ZMYND8: variants seen among roughly 807,000 people sequenced by gnomAD.
ZMYND8 encodes MYND-type zinc finger-containing chromatin reader ZMYND8.
A neutral mutation model predicts 140.8 loss-of-function variants in ZMYND8; 37 were observed. That is an observed-to-expected ratio of 0.26 (90% CI 0.20 to 0.35). The LOEUF (loss-of-function observed/expected upper bound fraction) is 0.35, where lower values mean the gene tolerates loss of function less well. Among genes scored for constraint, ZMYND8 ranks in the 10% least tolerant of loss-of-function variants. ZMYND8 has a pLI of 1.00. For synonymous variants in ZMYND8, 592 were observed against 597.1 expected, an observed-to-expected ratio of 0.99 and a Z score of 0.12; for missense variants, 1,068 against 1,570.0, an observed-to-expected ratio of 0.68 and a Z score of 5.40.
At chr20:47,282,315 C>A in intron 9 of ZMYND8, 98 bp from the exon 10 acceptor site, 1 of 1,013,788 alleles carries the variant, frequency 9.9e-7, no homozygotes, top group East Asian at 2.5e-5. Context: ...CTGTGGGACA[C>A]AGGCCATGAG....
intron 2 of ZMYND8, chr20:47,319,386 G>A: frequency 4.2e-6 from 1 of 238,706 alleles, no homozygotes; most frequent in South Asian, 4.9e-5. Flanking sequence ...AGCCTGGGGG[G>A]AGGGAAACAG....
At chr20:47,238,662 AACT>A in intron 15 of ZMYND8, 93 bp downstream of exon 15, 1 of 1,529,902 alleles carries the variant, frequency 6.5e-7, no homozygotes, top group Non-Finnish European at 8.8e-7. Context: ...AACAAACGAG[AACT>A]AAAAAAAAAA....
At chr20:47,294,285 G>A (rs1477896078) in intron 5 of ZMYND8, among the ~76,000 whole-genome samples, 1 of 151,990 alleles carries the variant, frequency 6.6e-6, no homozygotes, top group South Asian at 2.1e-4. Context: ...CTGGGAGGCA[G>A]AGGTTGCAGT....
rs2034994048 is a variant in ZMYND8 at position 47,209,627 on chromosome 20, G to GA, written c.*1133dup. On this transcript the variant is annotated 3_prime_UTR_variant, in exon 23 of 23. Transcript: ENST00000471951. ...CTAAAATGTACAACAAAACGTACTG[G>GA]AATGATATCGTACAATTAATTTTCT... is the stretch of plus-strand genomic sequence containing the variant. 3 of 152,520 alleles carry GA rather than the reference G, an allele frequency of 2.0e-5. No individual in the cohort carries two copies. The highest frequency in any genetic ancestry group is 7.2e-5 in the African/African-American group (3 of 41,438). 9.4% of individuals were successfully genotyped at this position (152,520 alleles called of 1,614,324 possible).
At chr20:47,292,166 T>C (rs544587872) in intron 5 of ZMYND8, among the ~76,000 whole-genome samples, 4 of 152,328 alleles carry the variant, frequency 2.6e-5, no homozygotes, top group African/African-American at 9.6e-5. Flanking sequence ...AGATTGACAA[T>C]TACAATACGC....
chr20:47,232,368 AAAATAAAT>A (rs3084712), intron 16 of ZMYND8, among the ~76,000 whole-genome samples: 13 of 149,178 alleles, frequency 8.7e-5, no homozygotes, highest in South Asian at 4.3e-4. Flanking sequence ...CCTTGTCTCA[AAAATAAAT>A]AAATAAATAA....
chr20:47,315,216 C>T (rs1482021184), intron 2 of ZMYND8, among the ~76,000 whole-genome samples: 1 of 152,182 alleles, frequency 6.6e-6, no homozygotes, highest in Non-Finnish European at 1.5e-5. Context: ...TGAGGTTCTG[C>T]TCAGCAAGAG....
chr20:47,290,566 G>A (rs1285252332), intron 6 of ZMYND8, among the ~76,000 whole-genome samples: 2 of 150,448 alleles, frequency 1.3e-5, no homozygotes, highest in Non-Finnish European at 3.0e-5. Flanking sequence ...CAATAAACAG[G>A]ATAGTTTATT....
At chr20:47,230,457 A>G (rs1205277806) in intron 16 of ZMYND8, among the ~76,000 whole-genome samples, 2 of 151,282 alleles carry the variant, frequency 1.3e-5, no homozygotes, top group African/African-American at 4.9e-5. Flanking sequence ...CACCCAGCTA[A>G]TTTTTTTTCT....
chr20:47,310,154 G>A lies in ZMYND8; in HGVS notation c.136C>T (p.Pro46Ser), dbSNP rs1285467717. 2 of 1,613,122 alleles carry A rather than the reference G, an allele frequency of 1.2e-6. No homozygotes were observed. The highest frequency in any genetic ancestry group is 1.7e-6 in the Non-Finnish European group (2 of 1,179,858). Residue 46 changes from proline (P) to serine (S), a missense_variant, in exon 3 of 23, where the codon CCA (proline) becomes TCA (serine). Transcript: ENST00000471951. ...GGCGAGTGGCCATTGGAAGAATGTG[G>A]AGGGCTGGGGAACTTTCTTTTCTGG... The part of the protein sequence containing the change: ...TAQKRKFPSP[P>S]HSSNGHSPQD...
At chr20:47,261,010 T>A (rs1207929855) in intron 12 of ZMYND8, among the ~76,000 whole-genome samples, 1 of 152,000 alleles carries the variant, frequency 6.6e-6, no homozygotes, top group East Asian at 1.9e-4. Context: ...TCACCTTAGG[T>A]TGGGAGTTCG....
chr20:47,262,021 A>G (rs1467265366), intron 12 of ZMYND8, among the ~76,000 whole-genome samples: 1 of 151,830 alleles, frequency 6.6e-6, no homozygotes, highest in African/African-American at 2.4e-5. Context: ...CAGGGAGCCG[A>G]GACCGCACCC....
In ZMYND8 at chr20:47,285,874, T is replaced by C. The variant is rs1214996057; in HGVS notation, c.804+1355A>G. 4.1e-6 allele frequency: 4 copies of C among 968,082 alleles called. No individual in the cohort carries two copies. In the Admixed American group the frequency reaches 1.8e-4, roughly 45 times the overall value. 60.0% of individuals were successfully genotyped at this position (968,082 alleles called of 1,614,324 possible). On this transcript the variant is annotated intron_variant, in intron 8 of 22. Coordinates refer to ENST00000471951, the MANE Select transcript of ZMYND8 (RefSeq NM_001281775.3). ...AAAATAAACTAAGTGAGAAAGCAGT[T>C]TATAAAACTCTCTCTACATAAATAT...
Position 47,298,296 on chromosome 20 carries a change from G to A in ZMYND8, c.453+433C>T, listed in dbSNP as rs1254903526. 2.0e-6 allele frequency: 2 copies of A among 985,258 alleles called. No individual in the cohort carries two copies. The highest frequency in any genetic ancestry group is 3.5e-5 in the African/African-American group (2 of 57,220). 61.0% of individuals were successfully genotyped at this position (985,258 alleles called of 1,614,324 possible). On this transcript the variant is annotated intron_variant, in intron 4 of 22. Coordinates refer to ENST00000471951, the MANE Select transcript of ZMYND8 (RefSeq NM_001281775.3). This position sits in a 1 kb window ranked among gnomAD's most constrained non-coding sequence, Gnocchi z 5.0. ...GAAAGCACCAGACGGCCACTACAGG[G>A]AACATGCAACCAAACGTGGTCTTCT...
rs370734592 is a variant in ZMYND8 at position 47,210,710 on chromosome 20, C to A, written c.*51G>T. On this transcript the variant is annotated 3_prime_UTR_variant, in exon 23 of 23. Coordinates refer to ENST00000471951, the MANE Select transcript of ZMYND8 (RefSeq NM_001281775.3). Reference sequence around the variant, plus strand: ...CCTTTGTTGTTTCTTCTTTTCCTGGCGTCTGGGTTTTTCTCCCAATGGGGT... The same window carrying A: ...CCTTTGTTGTTTCTTCTTTTCCTGGAGTCTGGGTTTTTCTCCCAATGGGGT... 5.8e-5 allele frequency: 94 copies of A among 1,613,530 alleles called. No individual in the cohort carries two copies. Among genetic ancestry groups the A allele is most frequent in the Non-Finnish European group, 7.0e-5 (82 of 1,179,798 alleles).
chr20:47,300,092 G>A (rs993286890), intron 3 of ZMYND8, among the ~76,000 whole-genome samples: 5 of 152,086 alleles, frequency 3.3e-5, no homozygotes, highest in African/African-American at 1.2e-4. Context: ...GAATATTATG[G>A]TATATTATGG....
In ZMYND8 at chr20:47,210,802, G is replaced by C; in HGVS notation, c.3664C>G (p.Leu1222Val). ...DHNTSTSTKSLLPKESRLDTF... is the reference protein window; with the variant it reads ...DHNTSTSTKSVLPKESRLDTF... ...TCCAGCCGAGACTCTTTCGGGAGGA[G>C]GCTCTTCGTGCTGGTACTGGTGTTG... Residue 1222 changes from leucine to valine, a missense_variant, in exon 23 of 23, where the codon CTC (leucine) becomes GTC (valine). Physicochemically the swap from Leu to Val is conservative, Grantham distance 32. Coordinates refer to ENST00000471951, the MANE Select transcript of ZMYND8 (RefSeq NM_001281775.3). 2 of 1,614,098 alleles carry C rather than the reference G, an allele frequency of 1.2e-6. No individual in the cohort carries two copies. Among genetic ancestry groups the C allele is most frequent in the Non-Finnish European group, 1.7e-6 (2 of 1,180,024 alleles).
At chr20:47,287,052 A>G (rs1400119296) in intron 8 of ZMYND8, among the ~76,000 whole-genome samples, 177 bp downstream of exon 8, 1 of 152,214 alleles carries the variant, frequency 6.6e-6, no homozygotes, top group Non-Finnish European at 1.5e-5. Context: ...AGGGTGTTTT[A>G]TAATATACTC....
At chr20:47,339,081 T>A (rs1404614823) in intron 2 of ZMYND8, among the ~76,000 whole-genome samples, 1 of 151,834 alleles carries the variant, frequency 6.6e-6, no homozygotes, top group Non-Finnish European at 1.5e-5. Context: ...CATGCCATTT[T>A]CCTGCCTCAA....
Sources: allele counts gnomAD v4.1 joint callset (sites outside exome capture counted in the v4.1 genomes callset), GRCh38; gene constraint gnomAD v4.1.1; non-coding constraint Gnocchi (gnomAD v3.1); transcripts MANE v1.5; gene names NCBI Gene and HGNC (gene_info 2026-07-23, HGNC 2026-07-21).